Variants in SEPTIN14 observed in about 807,000 individuals in gnomAD.
The protein encoded by SEPTIN14 is septin-14.
In SEPTIN14, 40 loss-of-function variants were observed where a neutral mutation model predicts 53.6. The observed-to-expected ratio is 0.75, with a 90% confidence interval of 0.58 to 0.97. The LOEUF is 0.97. SEPTIN14 is among the 50% of genes least tolerant of loss of function. SEPTIN14 has a pLI of 0.00. For synonymous variants in SEPTIN14, 138 were observed against 166.8 expected (o/e 0.83, Z 1.33); for missense variants, 471 against 508.2 (o/e 0.93, Z 0.70).
chr7:55,798,357 G>T (rs530183767), intron 9 of SEPTIN14: 72 of 271,986 alleles, frequency 2.6e-4, no homozygotes, highest in Non-Finnish European at 4.2e-4. Flanking sequence ...ACACACTTTG[G>T]GGGTGGTGGA....
At chr7:55,824,091 C>T (rs983751805) in intron 6 of SEPTIN14, among the ~76,000 whole-genome samples, 16 of 152,112 alleles carry the variant, frequency 1.1e-4, no homozygotes, top group African/African-American at 3.6e-4. Context: ...GCAATGACTT[C>T]ATCGATATAA....
At chr7:55,810,502 T>C (rs1444828935) in intron 7 of SEPTIN14, among the ~76,000 whole-genome samples, 1 of 134,244 alleles carries the variant, frequency 7.4e-6, no homozygotes, top group East Asian at 2.2e-4. Flanking sequence ...TGAGGCAGAG[T>C]CTTGCTCTGT....
chr7:55,821,659 T>A (rs1218081421), intron 6 of SEPTIN14, among the ~76,000 whole-genome samples: 2 of 152,154 alleles, frequency 1.3e-5, no homozygotes, highest in Non-Finnish European at 2.9e-5. Flanking sequence ...CCTCCTTACC[T>A]ATTCTTCTGT....
chr7:55,833,978 A>G (rs1392689239), intron 6 of SEPTIN14, among the ~76,000 whole-genome samples: 2 of 152,156 alleles, frequency 1.3e-5, no homozygotes, highest in South Asian at 2.1e-4. Context: ...CATATAAACT[A>G]CCAAGATGGA....
chr7:55,846,494 C>G (rs747373558), intron 3 of SEPTIN14, 23 bp downstream of exon 3: 10 of 1,537,884 alleles, frequency 6.5e-6, no homozygotes, highest in Non-Finnish European at 8.8e-6. Context: ...AGGAATAATT[C>G]AAATGAGGTG....
At chr7:55,817,476 A>T (rs4495377) in intron 7 of SEPTIN14, among the ~76,000 whole-genome samples, 23,615 of 143,590 alleles carry the variant, frequency 0.16, 2,508 homozygotes, top group Non-Finnish European at 0.25. Flanking sequence ...ATATATATAT[A>T]TTTTTTTTTT....
At chr7:55,813,718 G>A (rs753810390) in intron 7 of SEPTIN14, among the ~76,000 whole-genome samples, 7 of 152,320 alleles carry the variant, frequency 4.6e-5, no homozygotes, top group South Asian at 2.1e-4. Flanking sequence ...CTCAGCCACA[G>A]TAAAACACAC....
In SEPTIN14 at chr7:55,849,297, C is replaced by T. The variant is rs566397715; in HGVS notation, c.55-2660G>A. On this transcript the variant is annotated intron_variant, in intron 2 of 9. Coordinates refer to ENST00000388975, the MANE Select transcript of SEPTIN14 (RefSeq NM_207366.3). ...CTGAAATCGGACCACTGCATTCCAG[C>T]CTGGGCAACAGAGGGAGACTACATC... is the stretch of plus-strand genomic sequence containing the variant. Among the ~76,000 whole-genome samples the T allele has an allele frequency of 3.3e-5, 5 of 151,454 alleles. No individual in the cohort carries two copies. The South Asian group carries it at 1.0e-3, about 32-fold the overall frequency.
chr7:55,816,752 C>T (rs1788799083), intron 7 of SEPTIN14, among the ~76,000 whole-genome samples: 1 of 151,794 alleles, frequency 6.6e-6, no homozygotes, highest in African/African-American at 2.4e-5. Context: ...GAGCCAAGAT[C>T]ACACCATTGC....
intron 2 of SEPTIN14, among the ~76,000 whole-genome samples, chr7:55,860,603 ATTAT>A (rs1789727267): frequency 6.6e-6 from 1 of 152,224 alleles, no homozygotes; most frequent in Non-Finnish European, 1.5e-5. Context: ...CCCTGACTTG[ATTAT>A]TATGTATTCT....
intron 9 of SEPTIN14, among the ~76,000 whole-genome samples, chr7:55,796,345 C>A (rs1054720974): frequency 6.6e-6 from 1 of 151,934 alleles, no homozygotes; most frequent in African/African-American, 2.4e-5. Context: ...CTCACTGCAA[C>A]CTCCATCTCC....
At chr7:55,801,451 A>G (rs908329957) in intron 9 of SEPTIN14, among the ~76,000 whole-genome samples, 1 of 152,198 alleles carries the variant, frequency 6.6e-6, no homozygotes, top group Non-Finnish European at 1.5e-5. Flanking sequence ...GAAATTGGAT[A>G]TCCTTGGTTA....
At chr7:55,857,810 A>G (rs1167380778) in intron 2 of SEPTIN14, among the ~76,000 whole-genome samples, 1 of 150,594 alleles carries the variant, frequency 6.6e-6, no homozygotes, top group Non-Finnish European at 1.5e-5. Flanking sequence ...GATGGTCTCG[A>G]TCTCCTGACC....
chr7:55,851,841 T>C (rs959106997), intron 2 of SEPTIN14, among the ~76,000 whole-genome samples: 1 of 151,148 alleles, frequency 6.6e-6, no homozygotes, highest in African/African-American at 2.4e-5. Context: ...ACCCTGTCTC[T>C]ACTAAAAATA....
At chr7:55,834,085 T>C (rs1376130389) in intron 6 of SEPTIN14, among the ~76,000 whole-genome samples, 1 of 152,134 alleles carries the variant, frequency 6.6e-6, no homozygotes, top group Non-Finnish European at 1.5e-5. Flanking sequence ...AGGACCAGAT[T>C]ACTTCATGGG....
Position 55,834,323 on chromosome 7 carries a change from A to C in SEPTIN14, c.720+102T>G, listed in dbSNP as rs750052593. The C allele has an allele frequency of 6.6e-6, 5 of 757,468 alleles. No individual in the cohort carries two copies. The Admixed American group carries it at 1.0e-4, about 15-fold the overall frequency. 46.9% of individuals were successfully genotyped at this position (757,468 alleles called of 1,614,324 possible). On this transcript the variant is annotated intron_variant, in intron 6 of 9. Coordinates refer to ENST00000388975, the MANE Select transcript of SEPTIN14 (RefSeq NM_207366.3). Reference sequence around the variant, plus strand: ...ATCTGTTTACAAAGAATCGATTCTCAGCAGAAGCTTTACAAAATTAAAAAA... The same window carrying C: ...ATCTGTTTACAAAGAATCGATTCTCCGCAGAAGCTTTACAAAATTAAAAAA...
chr7:55,825,067 C>A (rs976780208), intron 6 of SEPTIN14, among the ~76,000 whole-genome samples: 2 of 152,168 alleles, frequency 1.3e-5, no homozygotes, highest in Non-Finnish European at 2.9e-5. Context: ...CAACTTTACT[C>A]ATAATTGCTA....
intron 6 of SEPTIN14, among the ~76,000 whole-genome samples, chr7:55,829,978 A>T (rs1789068347): frequency 1.3e-5 from 2 of 151,698 alleles, no homozygotes; most frequent in Non-Finnish European, 2.9e-5. Context: ...GGAGATCGAG[A>T]CTATCCTGGC....
In SEPTIN14 at chr7:55,846,649, C is replaced by T. The variant is rs768444230; in HGVS notation, c.55-12G>A. ...TTATTTTCTTTTTGCTTAAATAAAA[C>T]AAAAATTTAGAGTTTTGTGTTAGAA... On this transcript the variant is annotated splice_polypyrimidine_tract_variant and intron_variant, in intron 2 of 9. Transcript: ENST00000388975. 2.9e-6 allele frequency: 4 copies of T among 1,359,602 alleles called. No individual in the cohort carries two copies. The highest frequency in any genetic ancestry group is 2.5e-5 in the South Asian group (2 of 79,670). The allele number at this position is 1,359,602 out of a possible 1,614,324, so 84.2% of individuals were successfully genotyped here. A position where few individuals can be genotyped will look rare whatever the true frequency, so the allele number is the denominator to read the frequency against.
Sources: allele counts gnomAD v4.1 joint callset (sites outside exome capture counted in the v4.1 genomes callset), GRCh38; gene constraint gnomAD v4.1.1; transcripts MANE v1.5; gene names NCBI Gene and HGNC (gene_info 2026-07-23, HGNC 2026-07-21).